The following DOCK2 variants were observed in gnomAD, a reference collection of about 807,000 sequenced individuals.
DOCK2 encodes dedicator of cytokinesis protein 2.
In DOCK2, 87 loss-of-function variants were observed where a neutral mutation model predicts 248.9. The observed-to-expected ratio is 0.35, with a 90% CI of 0.29 to 0.42. DOCK2 has a LOEUF of 0.42. Ranked by LOEUF, DOCK2 falls within the 10% of genes least tolerant of loss-of-function variation. DOCK2 has a pLI of 1.00. For synonymous variants in DOCK2, 805 were observed against 821.6 expected, an observed-to-expected ratio of 0.98 and a Z score of 0.35; for missense variants, 1,747 against 2,300.2, an observed-to-expected ratio of 0.76 and a Z score of 4.92.
chr5:169,984,857 C>T (rs1778025461), intron 28 of DOCK2, among the ~76,000 whole-genome samples: 1 of 152,208 alleles, frequency 6.6e-6, no homozygotes, highest in South Asian at 2.1e-4. Flanking sequence ...TATGTCTTCA[C>T]TACCTCCAGC....
At chr5:169,822,551 A>G (rs560326008) in intron 26 of DOCK2, among the ~76,000 whole-genome samples, 1 of 152,336 alleles carries the variant, frequency 6.6e-6, no homozygotes, top group Admixed American at 6.5e-5. Flanking sequence ...GCAGAAATAA[A>G]GATGTTCTTT....
intron 27 of DOCK2, among the ~76,000 whole-genome samples, chr5:169,933,670 A>C (rs1775861388): frequency 6.6e-6 from 1 of 152,092 alleles, no homozygotes; most frequent in African/African-American, 2.4e-5. Flanking sequence ...AGGGGACCTT[A>C]CTGGCCGCAC....
intron 40 of DOCK2, among the ~76,000 whole-genome samples, chr5:170,049,852 G>T (rs916782461): frequency 2.0e-5 from 3 of 152,222 alleles, no homozygotes; most frequent in African/African-American, 4.8e-5. Flanking sequence ...GAAGCCAGGT[G>T]ATGAGGATAT....
At chr5:169,682,673 A>G (rs1411279908) in intron 7 of DOCK2, among the ~76,000 whole-genome samples, 1 of 152,000 alleles carries the variant, frequency 6.6e-6, no homozygotes, top group Non-Finnish European at 1.5e-5. Context: ...TTAAGATATA[A>G]TTTTCATATA....
intron 22 of DOCK2, among the ~76,000 whole-genome samples, chr5:169,742,170 A>G (rs1294816046): frequency 1.3e-5 from 2 of 152,090 alleles, no homozygotes; most frequent in African/African-American, 4.8e-5. Context: ...AGTGCTCAGT[A>G]AATGGTAGTT....
intron 1 of DOCK2, among the ~76,000 whole-genome samples, chr5:169,651,218 G>A (rs888715897): frequency 6.6e-6 from 1 of 152,202 alleles, no homozygotes; most frequent in Non-Finnish European, 1.5e-5. Flanking sequence ...TGTCAGTCAT[G>A]TCTGCTTTTC....
At chr5:169,733,538 T>TA (rs950811795) in intron 22 of DOCK2, among the ~76,000 whole-genome samples, 6 of 151,784 alleles carry the variant, frequency 4.0e-5, no homozygotes, top group African/African-American at 1.2e-4. Flanking sequence ...TAACCACAAT[T>TA]AAAAAAAAGC....
At chr5:170,013,506 G>A (rs980619158) in intron 32 of DOCK2, among the ~76,000 whole-genome samples, 1 of 152,000 alleles carries the variant, frequency 6.6e-6, no homozygotes, top group Non-Finnish European at 1.5e-5. Flanking sequence ...GAGTCAGAGA[G>A]CAATTTAAAG....
At chr5:170,066,562 CA>C (rs1365227540) in intron 44 of DOCK2, among the ~76,000 whole-genome samples, 2 of 152,180 alleles carry the variant, frequency 1.3e-5, no homozygotes, top group East Asian at 3.8e-4. Context: ...CAGACATATA[CA>C]GAACAATCCA....
At chr5:169,849,945 G>T (rs1048465749) in intron 27 of DOCK2, among the ~76,000 whole-genome samples, 4 of 152,218 alleles carry the variant, frequency 2.6e-5, no homozygotes, top group African/African-American at 9.6e-5. Context: ...ATGAATGAAA[G>T]ATGTTTACTG....
intron 29 of DOCK2, among the ~76,000 whole-genome samples, chr5:169,987,376 G>A (rs937450834): frequency 7.9e-5 from 12 of 152,102 alleles, no homozygotes; most frequent in African/African-American, 2.9e-4. Context: ...TTTGGAACTG[G>A]GTCAGTTCTA....
At chr5:170,041,260 CTG>C in intron 37 of DOCK2, 115 bp downstream of exon 37, 1 of 949,704 alleles carries the variant, frequency 1.1e-6, no homozygotes, top group Non-Finnish European at 1.6e-6. Context: ...TTGTTTTGCC[CTG>C]TGTCTCCAAA....
intron 27 of DOCK2, among the ~76,000 whole-genome samples, chr5:169,842,445 C>T (rs940536110): frequency 6.6e-6 from 1 of 151,412 alleles, no homozygotes; most frequent in Non-Finnish European, 1.5e-5. Flanking sequence ...GCAACCTCCA[C>T]CTCCTGGGTT....
At chr5:169,840,890 T>A in intron 27 of DOCK2, 38 bp downstream of exon 27, 1 of 1,591,134 alleles carries the variant, frequency 6.3e-7, no homozygotes, top group East Asian at 2.3e-5. Flanking sequence ...TGTTGCAAGC[T>A]CTTCAGCATC....
At chr5:169,811,119 G>C (rs1767725745) in intron 26 of DOCK2, among the ~76,000 whole-genome samples, 1 of 152,008 alleles carries the variant, frequency 6.6e-6, no homozygotes, top group Admixed American at 6.6e-5. Flanking sequence ...AGGGGACTGC[G>C]GCATGAGCAT....
chr5:169,684,501 T>A, intron 8 of DOCK2, 151 bp downstream of exon 8: 1 of 1,091,336 alleles, frequency 9.2e-7, no homozygotes, highest in Non-Finnish European at 1.3e-6. Context: ...TTGGAGGTTG[T>A]AGGAGTCAAG....
At chr5:169,901,724 G>A (rs1773936866) in intron 27 of DOCK2, among the ~76,000 whole-genome samples, 1 of 152,204 alleles carries the variant, frequency 6.6e-6, no homozygotes. Flanking sequence ...GATTTGAGTG[G>A]ATTTGACTTA....
rs114400556 is a variant in DOCK2 at position 169,813,577 on chromosome 5, C to T, written c.2703+10371C>T. On this transcript the variant is annotated intron_variant, in intron 26 of 51. Coordinates refer to ENST00000520908, the MANE Select transcript of DOCK2 (RefSeq NM_004946.3). ...CAGAGACCCAAGGGAGATGCCTGTG[C>T]AATTCTCTTCCCCTAGTGGACCCTA... is the stretch of plus-strand genomic sequence containing the variant. Among the ~76,000 whole-genome samples, 837 of 152,334 alleles carry T rather than the reference C, an allele frequency of 5.5e-3. 7 individuals are homozygous for T. Among genetic ancestry groups the T allele is most frequent in the African/African-American group, 0.019 (805 of 41,576 alleles).
At chr5:169,821,382 T>C (rs1002653050) in intron 26 of DOCK2, among the ~76,000 whole-genome samples, 2 of 152,182 alleles carry the variant, frequency 1.3e-5, no homozygotes, top group Non-Finnish European at 2.9e-5. Context: ...AAGGTCGGGT[T>C]ACCCACAAAG....
Sources: gnomAD v4.1 joint callset for allele counts (sites outside exome capture counted in the v4.1 genomes callset) on GRCh38, gnomAD v4.1.1 for gene constraint, MANE v1.5 for transcripts, NCBI Gene and HGNC (gene_info 2026-07-23, HGNC 2026-07-21) for gene names.